The following DGCR2 variants were observed in gnomAD, a reference collection of about 807,000 sequenced individuals.
The protein encoded by DGCR2 is integral membrane protein DGCR2/IDD.
Under a neutral mutation model 51.6 loss-of-function variants are expected in DGCR2, and 24 were observed. The observed-to-expected ratio is 0.47, with a 90% CI of 0.34 to 0.65. DGCR2 has a LOEUF of 0.65. Among genes scored for constraint, DGCR2 ranks in the 30% least tolerant of loss-of-function variants. DGCR2 has a pLI of 0.01. For missense variants in DGCR2, 765 were observed against 772.1 expected, an observed-to-expected ratio of 0.99 and a Z score of 0.11; for synonymous variants, 340 against 315.4, an observed-to-expected ratio of 1.08 and a Z score of -0.82.
At chr22:19,092,352 AAAAATACTAC>A (rs1196446751) in intron 1 of DGCR2, among the ~76,000 whole-genome samples, 1 of 151,926 alleles carries the variant, frequency 6.6e-6, no homozygotes, top group Non-Finnish European at 1.5e-5. Context: ...TTAAAAAAAA[AAAAATACTAC>A]TATCAGAAGA....
At chr22:19,050,077 C>CAAACT (rs1227928380) in intron 6 of DGCR2, among the ~76,000 whole-genome samples, 1 of 152,102 alleles carries the variant, frequency 6.6e-6, no homozygotes, top group African/African-American at 2.4e-5. Context: ...CTAACAGCTG[C>CAAACT]AAACTACTCA....
rs2082604454 is a variant in DGCR2 at position 19,056,553 on chromosome 22, A to AT, written c.802+432dup. 8.3e-6 allele frequency: 3 copies of AT among 362,280 alleles called. 1 individual carries two copies. Among genetic ancestry groups the AT allele is most frequent in the South Asian group, 7.6e-5 (2 of 26,308 alleles). 22.4% of individuals were successfully genotyped at this position (362,280 alleles called of 1,614,324 possible). A position where few individuals can be genotyped will look rare whatever the true frequency, so the allele number is the denominator to read the frequency against. On this transcript the variant is annotated intron_variant, in intron 6 of 9. Transcript: ENST00000263196. ...AAAGCAATAGAGTTAGCTGGCTTTA[A>AT]TAAAAAAAAAAAAACACACACACCA...
intron 1 of DGCR2, among the ~76,000 whole-genome samples, chr22:19,113,321 G>A (rs2083337035): frequency 1.3e-5 from 2 of 151,600 alleles, no homozygotes; most frequent in South Asian, 2.1e-4. Context: ...AGTGAGCCGA[G>A]ATCACCCCAC....
At chr22:19,120,303 C>G (rs1009298837) in intron 1 of DGCR2, among the ~76,000 whole-genome samples, 10 of 152,242 alleles carry the variant, frequency 6.6e-5, no homozygotes, top group African/African-American at 2.4e-4. Flanking sequence ...AGTGTGAGGT[C>G]TCCTGTGACG....
chr22:19,068,852 G>A (rs2082781165), intron 2 of DGCR2, among the ~76,000 whole-genome samples: 1 of 152,282 alleles, frequency 6.6e-6, no homozygotes, highest in South Asian at 2.1e-4. Context: ...GGCAGCTGAA[G>A]ATGAGGAAAT....
At chr22:19,062,782 C>CTG (rs2082690010) in intron 5 of DGCR2, among the ~76,000 whole-genome samples, 3 of 135,422 alleles carry the variant, frequency 2.2e-5, no homozygotes, top group Non-Finnish European at 4.9e-5. Context: ...CATGCTCACT[C>CTG]TCTCTCTCTC....
intron 6 of DGCR2, among the ~76,000 whole-genome samples, chr22:19,051,543 T>C (rs147845884): frequency 3.2e-4 from 49 of 152,218 alleles, no homozygotes; most frequent in African/African-American, 1.1e-3. Flanking sequence ...CTAGGCAACA[T>C]AGTGAGATCC....
intron 1 of DGCR2, among the ~76,000 whole-genome samples, chr22:19,105,737 GC>G (rs1203950590): frequency 3.3e-5 from 5 of 152,112 alleles, no homozygotes; most frequent in African/African-American, 1.2e-4. Flanking sequence ...GGAGGGCAGA[GC>G]TAGGAAGTGA....
chr22:19,098,098 T>C (rs1217959633), intron 1 of DGCR2, among the ~76,000 whole-genome samples: 1 of 152,098 alleles, frequency 6.6e-6, no homozygotes. Context: ...AAAAAATAGT[T>C]ATCAAAAGAG....
chr22:19,060,790 C>T (rs564052995), intron 5 of DGCR2: 9 of 462,494 alleles, frequency 1.9e-5, no homozygotes, highest in East Asian at 5.8e-5. Flanking sequence ...GGCCCCCAGG[C>T]GGGGCTCACA....
intron 1 of DGCR2, among the ~76,000 whole-genome samples, chr22:19,093,507 C>G (rs1467889272): frequency 6.6e-6 from 1 of 152,074 alleles, no homozygotes. Flanking sequence ...AAAACACAAT[C>G]TATAAAAAAA....
chr22:19,108,569 TAAAAA>T (rs55803042), intron 1 of DGCR2, among the ~76,000 whole-genome samples: 198 of 90,404 alleles, frequency 2.2e-3, no homozygotes, highest in Non-Finnish European at 2.9e-3. Flanking sequence ...AGAATTTATC[TAAAAA>T]AAAAAAAAAA....
intron 1 of DGCR2, among the ~76,000 whole-genome samples, chr22:19,110,431 G>A (rs1294001166): frequency 6.6e-6 from 1 of 152,090 alleles, no homozygotes; most frequent in African/African-American, 2.4e-5. Context: ...ATGGGAAGAA[G>A]ACAAGAAAAG....
rs1205736541 is a variant in DGCR2, at chr22:19,036,924, C to T, written c.*1941G>A. The T allele has an allele frequency of 6.6e-6, 1 of 152,482 alleles. No individual in the cohort carries two copies. The highest frequency in any genetic ancestry group is 1.5e-5 in the Non-Finnish European group (1 of 68,224). 9.4% of individuals were successfully genotyped at this position (152,482 alleles called of 1,614,324 possible). ...ACACATCTCGTGCCAGCCACCCTGT[C>T]CCGCACACACAGTTCTGAGGCCTGG... On this transcript the variant is annotated 3_prime_UTR_variant, in exon 10 of 10. Coordinates refer to ENST00000263196, the MANE Select transcript of DGCR2 (RefSeq NM_005137.3).
chr22:19,084,114 G>A (rs148116817), intron 2 of DGCR2, among the ~76,000 whole-genome samples: 5,537 of 152,172 alleles, frequency 0.036, 302 homozygotes, highest in African/African-American at 0.13. Context: ...CCAAAGTGCC[G>A]AGATTGCAGC....
At chr22:19,056,852 G>C in intron 6 of DGCR2, 134 bp downstream of exon 6, 21 of 985,700 alleles carry the variant, frequency 2.1e-5, no homozygotes, top group Non-Finnish European at 3.1e-5. Context: ...CCAAGAACAA[G>C]GTGTGAGCTG....
intron 2 of DGCR2, among the ~76,000 whole-genome samples, chr22:19,089,063 C>G (rs2083048963): frequency 6.6e-6 from 1 of 152,168 alleles, no homozygotes; most frequent in South Asian, 2.1e-4. Flanking sequence ...GGTGCCACCC[C>G]TCAGGAGGGG....
intron 2 of DGCR2, among the ~76,000 whole-genome samples, chr22:19,088,940 A>G (rs1329743236): frequency 6.6e-6 from 1 of 152,172 alleles, no homozygotes; most frequent in Non-Finnish European, 1.5e-5. Context: ...TTCCAGGTGA[A>G]TGAGTGAGCA....
intron 6 of DGCR2, among the ~76,000 whole-genome samples, chr22:19,054,214 G>A (rs1375839223): frequency 6.9e-6 from 1 of 145,892 alleles, no homozygotes; most frequent in East Asian, 2.0e-4. Flanking sequence ...CTTGTTCTTA[G>A]GAAATACACA....
Sources: gnomAD v4.1 joint callset for allele counts (sites outside exome capture counted in the v4.1 genomes callset) on GRCh38, gnomAD v4.1.1 for gene constraint, MANE v1.5 for transcripts, NCBI Gene and HGNC (gene_info 2026-07-23, HGNC 2026-07-21) for gene names.